The following FKBP15 variants were observed in gnomAD, a reference collection of about 807,000 sequenced individuals.
FKBP15 encodes FKBP prolyl isomerase family member 15.
FKBP15 carries 106 observed loss-of-function variants against 158.1 expected under a neutral mutation model. The ratio of observed to expected loss-of-function variants is 0.67; its 90% CI spans 0.57 to 0.79. The LOEUF is 0.79. Ranked by LOEUF, FKBP15 falls within the 30% of genes least tolerant of loss-of-function variation. The pLI, the probability that FKBP15 is intolerant of heterozygous loss-of-function variation, is 0.00. For missense variants in FKBP15, 1,287 were observed against 1,479.1 expected, an observed-to-expected ratio of 0.87 and a Z score of 2.13; for synonymous variants, 547 against 548.6, an observed-to-expected ratio of 1.00 and a Z score of 0.04.
intron 9 of FKBP15, among the ~76,000 whole-genome samples, chr9:113,195,947 A>C (rs1282212999): frequency 1.3e-5 from 2 of 152,152 alleles, no homozygotes; most frequent in African/African-American, 4.8e-5. Context: ...TGAATATATG[A>C]GCATATATGT....
chr9:113,187,959 A>G, intron 13 of FKBP15, 60 bp from the exon 14 acceptor site: 7 of 1,237,762 alleles, frequency 5.7e-6, no homozygotes, highest in Non-Finnish European at 8.2e-6. Context: ...GTGAGTCTAG[A>G]CTAGCACCTT....
chr9:113,186,157 A>G lies in FKBP15; in HGVS notation c.1498+92T>C, dbSNP rs952375753. ...TTAAAAAAGAGAAGAAACAATGAGT[A>G]GAGAGCTGTTGGTGTGAAAATGAAG... On this transcript the variant is annotated intron_variant, in intron 15 of 27. Coordinates refer to ENST00000238256, the MANE Select transcript of FKBP15 (RefSeq NM_015258.2). The G allele has an allele frequency of 3.7e-6, 3 of 812,246 alleles. No individual in the cohort carries two copies. The African/African-American group carries it at 5.1e-5, about 14-fold the overall frequency. 50.3% of individuals were successfully genotyped at this position (812,246 alleles called of 1,614,324 possible).
At chr9:113,206,625 T>G in intron 3 of FKBP15, 47 bp from the exon 4 acceptor site, 1 of 1,467,732 alleles carries the variant, frequency 6.8e-7, no homozygotes, top group Non-Finnish European at 9.5e-7. Context: ...CCCTAAATTC[T>G]GCAGAACCAG....
At chr9:113,196,682 C>T (rs113215719) in intron 9 of FKBP15, among the ~76,000 whole-genome samples, 2,146 of 152,148 alleles carry the variant, frequency 0.014, 43 homozygotes, top group African/African-American at 0.049. Flanking sequence ...TGCGCCCGGC[C>T]GAAGATGTGA....
At chr9:113,213,995 C>T (rs1207383584) in intron 1 of FKBP15, among the ~76,000 whole-genome samples, 4 of 151,878 alleles carry the variant, frequency 2.6e-5, no homozygotes, top group African/African-American at 4.8e-5. Flanking sequence ...TGCAGTGGGG[C>T]GTTCATGGCT....
In FKBP15 at chr9:113,190,539, C is replaced by T. The variant is rs778090579; in HGVS notation, c.1105G>A (p.Ala369Thr). 4.3e-6 allele frequency: 7 copies of T among 1,611,958 alleles called. No individual in the cohort carries two copies. The highest frequency in any genetic ancestry group is 5.9e-6 in the Non-Finnish European group (7 of 1,179,108). ...AVKAKLISRMAKMGQPMLPIL... is the reference protein window; with the variant it reads ...AVKAKLISRMTKMGQPMLPIL... ...GGCAGCATGGGCTGGCCCATTTTAG[C>T]CATCCGAGAGATCAACTTGGCTTTG... The change falls in exon 12 of 28, where the codon GCT becomes ACT. Residue 369 changes from alanine to threonine, a missense_variant. Coordinates refer to ENST00000238256, the MANE Select transcript of FKBP15 (RefSeq NM_015258.2).
chr9:113,191,445 A>T (rs1321177581), intron 11 of FKBP15, among the ~76,000 whole-genome samples: 1 of 151,960 alleles, frequency 6.6e-6, no homozygotes, highest in African/African-American at 2.4e-5. Flanking sequence ...CTTTATGTAC[A>T]TAATTTGTCA....
Position 113,164,810 on chromosome 9 carries a change from T to C in FKBP15, c.*1268A>G, listed in dbSNP as rs970280976. The C allele has an allele frequency of 6.6e-6, 1 of 152,230 alleles. No individual in the cohort carries two copies. The highest frequency in any genetic ancestry group is 2.1e-4 in the South Asian group (1 of 4,832). The allele number at this position is 152,230 out of a possible 1,614,324, so 9.4% of individuals were successfully genotyped here. A position where few individuals can be genotyped will look rare whatever the true frequency, so the allele number is the denominator to read the frequency against. On this transcript the variant is annotated 3_prime_UTR_variant, in exon 28 of 28. Coordinates refer to ENST00000238256, the MANE Select transcript of FKBP15 (RefSeq NM_015258.2). ...AGTTTTCTCCTCTATAAAATGGTGATAACACTGTCTTCTGCAGTGGTTGCT... is the reference window on the plus strand; with the variant it reads ...AGTTTTCTCCTCTATAAAATGGTGACAACACTGTCTTCTGCAGTGGTTGCT...
In FKBP15 at chr9:113,162,703, T is replaced by C. The variant is rs754121330; in HGVS notation, c.*3375A>G. 2 of 1,564,942 alleles carry C rather than the reference T, an allele frequency of 1.3e-6. No homozygotes were observed. Among genetic ancestry groups the C allele is most frequent in the Admixed American group, 1.8e-5 (1 of 56,626 alleles). On this transcript the variant is annotated 3_prime_UTR_variant, in exon 28 of 28. Transcript: ENST00000238256. ...CTGATATCTACTCCCAGCTTCCTCA[T>C]TACCAGCTCATTACCAGGATTAACT...
At chr9:113,202,853 A>T in intron 5 of FKBP15, 108 bp downstream of exon 5, 1 of 943,120 alleles carries the variant, frequency 1.1e-6, no homozygotes, top group East Asian at 2.6e-5. Context: ...TCACAAGGAC[A>T]CCCAGGGCTG....
rs551122629 is a variant in FKBP15 at position 113,212,900 on chromosome 9, A to C, written c.54-1308T>G. On this transcript the variant is annotated intron_variant, in intron 1 of 27. Coordinates refer to ENST00000238256, the MANE Select transcript of FKBP15 (RefSeq NM_015258.2). ...TGCTCTTGAGTGCCAGAAAACATAG[A>C]TATCCCACAGGCAATACAAATGTAA... Among the ~76,000 whole-genome samples, 5 of 152,306 alleles carry C rather than the reference A, an allele frequency of 3.3e-5. No homozygotes were observed. In the East Asian group the frequency reaches 9.7e-4, roughly 29 times the overall value.
chr9:113,221,164 T>A, intron 1 of FKBP15, 27 bp downstream of exon 1: 1 of 1,595,346 alleles, frequency 6.3e-7, no homozygotes, highest in South Asian at 1.1e-5. Context: ...AGCCACGCCC[T>A]CCAGCGCATA....
In FKBP15 at chr9:113,202,706, G is replaced by T. The variant is rs550931588; in HGVS notation, c.400-77C>A. 3.4e-6 allele frequency: 4 copies of T among 1,184,984 alleles called. No homozygotes were observed. The East Asian group carries it at 1.0e-4, about 31-fold the overall frequency. The allele number at this position is 1,184,984 out of a possible 1,614,324, so 73.4% of individuals were successfully genotyped here. On this transcript the variant is annotated intron_variant, in intron 5 of 27. Coordinates refer to ENST00000238256, the MANE Select transcript of FKBP15 (RefSeq NM_015258.2). ...AAACATGACGGCCTAAGCTCATAGA[G>T]TAGGGTCTTGACTCAGGTGGACCCA...
intron 1 of FKBP15, among the ~76,000 whole-genome samples, chr9:113,218,380 TATATATATATATA>T (rs1175320856): frequency 0.14 from 12,870 of 93,006 alleles, 795 homozygotes; most frequent in South Asian, 0.23. Flanking sequence ...AATACAATTA[TATATATATATATA>T]TATATATATA....
intron 1 of FKBP15, among the ~76,000 whole-genome samples, chr9:113,219,379 C>T (rs1831204841): frequency 6.6e-6 from 1 of 152,308 alleles, no homozygotes; most frequent in South Asian, 2.1e-4. Context: ...CTGCAGTATT[C>T]ACTGTCATAT....
intron 1 of FKBP15, among the ~76,000 whole-genome samples, chr9:113,214,954 T>C: frequency 6.6e-6 from 1 of 152,242 alleles, no homozygotes; most frequent in East Asian, 1.9e-4. Flanking sequence ...CATCCTCACC[T>C]CGCTCAGCCT....
At chr9:113,215,427 C>A (rs748163853) in intron 1 of FKBP15, among the ~76,000 whole-genome samples, 1 of 150,796 alleles carries the variant, frequency 6.6e-6, no homozygotes, top group Non-Finnish European at 1.5e-5. Flanking sequence ...ACATACACAA[C>A]ATTTATCAAT....
Position 113,183,852 on chromosome 9 carries a change from T to G in FKBP15, c.1717-7A>C. ...GCTTCAATCTTTCATTTTCCTAATT[T>G]CAAAATATATGATGTACAATTTAAG... On this transcript the variant is annotated splice_polypyrimidine_tract_variant and splice_region_variant and intron_variant, in intron 17 of 27. Coordinates refer to ENST00000238256, the MANE Select transcript of FKBP15 (RefSeq NM_015258.2). 1 of 1,599,448 alleles carries G rather than the reference T, an allele frequency of 6.3e-7. No homozygotes were observed.
At chr9:113,180,400 A>AATGTG (rs1491112651) in intron 19 of FKBP15, among the ~76,000 whole-genome samples, 1 of 149,988 alleles carries the variant, frequency 6.7e-6, no homozygotes, top group African/African-American at 2.5e-5. Flanking sequence ...TCAGAAAAAA[A>AATGTG]TGTGTGTGTG....
Sources: gnomAD v4.1 joint callset for allele counts (sites outside exome capture counted in the v4.1 genomes callset) on GRCh38, gnomAD v4.1.1 for gene constraint, MANE v1.5 for transcripts, NCBI Gene and HGNC (gene_info 2026-07-23, HGNC 2026-07-21) for gene names.